Variants in ANK3 observed in about 807,000 individuals in gnomAD.
ANK3 encodes the protein ankyrin-3.
In ANK3, 57 loss-of-function variants were observed where a neutral mutation model predicts 370.9. That is an observed-to-expected ratio of 0.15 (90% confidence interval 0.12 to 0.19). The LOEUF is 0.19. ANK3 is among the 10% of genes least tolerant of loss of function. The pLI, the probability that ANK3 is intolerant of heterozygous loss-of-function variation, is 1.00. For missense variants in ANK3, 4,439 were observed against 5,302.1 expected (o/e 0.84, Z 5.06); for synonymous variants, 1,929 against 1,946.3 (o/e 0.99, Z 0.23).
At chr10:60,055,311 T>C (rs1287973452) in intron 42 of ANK3, among the ~76,000 whole-genome samples, 1 of 151,850 alleles carries the variant, frequency 6.6e-6, no homozygotes, top group East Asian at 1.9e-4. Context: ...GGAGTGGGAG[T>C]TAGGAAACCT....
At chr10:60,660,700 C>T (rs971969599) in intron 1 of ANK3, among the ~76,000 whole-genome samples, 1 of 151,870 alleles carries the variant, frequency 6.6e-6, no homozygotes, top group Admixed American at 6.6e-5. Context: ...TGGAAGGATT[C>T]CTGGAAGAGC....
At chr10:60,499,793 C>T (rs993398504) in intron 2 of ANK3, among the ~76,000 whole-genome samples, 10 of 152,070 alleles carry the variant, frequency 6.6e-5, no homozygotes, top group South Asian at 4.1e-4. Context: ...AAATTTGAAA[C>T]GCACACATAA....
chr10:60,217,518 C>G (rs2096959547), intron 8 of ANK3, among the ~76,000 whole-genome samples: 1 of 152,110 alleles, frequency 6.6e-6, no homozygotes, highest in Non-Finnish European at 1.5e-5. Context: ...ATAATGTTTA[C>G]CCAGGAGTCA....
chr10:60,110,899 TGA>T (rs2092663021), intron 26 of ANK3, among the ~76,000 whole-genome samples: 2 of 152,178 alleles, frequency 1.3e-5, no homozygotes, highest in Admixed American at 6.5e-5. Context: ...ATGTTTCCAC[TGA>T]GAGGGGAATG....
At chr10:60,488,804 G>T (rs56698592) in intron 2 of ANK3, among the ~76,000 whole-genome samples, 4,144 of 152,250 alleles carry the variant, frequency 0.027, 201 homozygotes, top group African/African-American at 0.095. Context: ...GTTTAGAAAA[G>T]ATGAGTCTTG....
At chr10:60,319,974 T>A (rs956070881) in intron 1 of ANK3, among the ~76,000 whole-genome samples, 5 of 152,154 alleles carry the variant, frequency 3.3e-5, no homozygotes, top group Non-Finnish European at 5.9e-5. Flanking sequence ...GACCCCAGTT[T>A]CCCTCAGCCT....
At chr10:60,459,916 A>C (rs2064841014) in intron 2 of ANK3, among the ~76,000 whole-genome samples, 1 of 152,114 alleles carries the variant, frequency 6.6e-6, no homozygotes, top group South Asian at 2.1e-4. Flanking sequence ...TGTGTCTCTG[A>C]AATATACCAC....
intron 14 of ANK3, 89 bp from the exon 15 acceptor site, chr10:60,196,714 A>T (rs1024504219): frequency 3.7e-6 from 3 of 800,364 alleles, no homozygotes; most frequent in Non-Finnish European, 6.1e-6. Flanking sequence ...CAAACAAACA[A>T]AAAGATATGA....
chr10:60,052,432 C>A (rs1173309385), intron 42 of ANK3, among the ~76,000 whole-genome samples: 1 of 152,132 alleles, frequency 6.6e-6, no homozygotes, highest in Non-Finnish European at 1.5e-5. Context: ...TAACACATAA[C>A]TGGTACTGAG....
intron 1 of ANK3, among the ~76,000 whole-genome samples, chr10:60,337,187 T>C (rs1054947122): frequency 2.0e-5 from 3 of 152,142 alleles, no homozygotes; most frequent in African/African-American, 7.2e-5. Flanking sequence ...AAGATAACAA[T>C]GAACTTTAAA....
intron 2 of ANK3, among the ~76,000 whole-genome samples, chr10:60,470,031 G>C (rs10994366): frequency 0.34 from 51,143 of 151,734 alleles, 8,814 homozygotes; most frequent in East Asian, 0.51. Context: ...AAAACAGGGA[G>C]CAGAATCGGA....
intron 2 of ANK3, among the ~76,000 whole-genome samples, chr10:60,514,276 C>T (rs992038743): frequency 2.0e-5 from 3 of 151,966 alleles, no homozygotes; most frequent in African/African-American, 4.8e-5. Flanking sequence ...GTCAGTGCCC[C>T]GGCCCCCTCT....
rs149056581 is a variant in ANK3, at chr10:60,199,494, C to T, written c.1491+635G>A. On this transcript the variant is annotated intron_variant, in intron 13 of 43. Transcript: ENST00000280772. Reference sequence around the variant, plus strand: ...TCACATACTGCTACTACTGCCACCCCTTACTTGAAACTAGAGACTGCAGAC... The same window carrying T: ...TCACATACTGCTACTACTGCCACCCTTTACTTGAAACTAGAGACTGCAGAC... Among the ~76,000 whole-genome samples, 355 of 152,240 alleles carry T rather than the reference C, an allele frequency of 2.3e-3. 1 individual carries two copies. The highest frequency in any genetic ancestry group is 8.3e-3 in the African/African-American group (343 of 41,546).
rs61497871 is a variant in ANK3 at position 60,089,459 on chromosome 10, T to TTGTGTGTG, written c.3329-1109_3329-1102dup. On this transcript the variant is annotated intron_variant, in intron 28 of 43. Transcript: ENST00000280772. Reference sequence around the variant, plus strand: ...CCTCTCTCACTCCAGTCCATCCAGGTTGTGTGTGTGTGTGTGTGTGTGTGT... The same window carrying TTGTGTGTG: ...CCTCTCTCACTCCAGTCCATCCAGGTTGTGTGTGTGTGTGTGTGTGTGTGTGTGTGTGT... 2.2e-3 allele frequency among the ~76,000 whole-genome samples: 309 copies of TTGTGTGTG among 141,622 alleles called. 1 individual carries two copies. The highest frequency in any genetic ancestry group is 4.9e-3 in the East Asian group (23 of 4,712). 92.9% of individuals were successfully genotyped at this position (141,622 alleles called of 152,430 possible). A position where few individuals can be genotyped will look rare whatever the true frequency, so the allele number is the denominator to read the frequency against.
chr10:60,036,092 T>A (rs2074893724), intron 43 of ANK3, among the ~76,000 whole-genome samples: 1 of 152,116 alleles, frequency 6.6e-6, no homozygotes, highest in Non-Finnish European at 1.5e-5. Flanking sequence ...TCACTGTTCA[T>A]TGCTTAGTAA....
intron 2 of ANK3, among the ~76,000 whole-genome samples, chr10:60,492,803 G>A (rs1163162399): frequency 3.4e-5 from 5 of 147,630 alleles, no homozygotes; most frequent in East Asian, 2.1e-4. Context: ...TGAGCCGGGC[G>A]TGGTGGCTCA....
chr10:60,473,956 C>A (rs2074986109), intron 2 of ANK3, among the ~76,000 whole-genome samples: 1 of 124,312 alleles, frequency 8.0e-6, no homozygotes, highest in South Asian at 3.1e-4. Context: ...AAAATGAGAC[C>A]CTGTTTCTAC....
At chr10:60,580,633 G>C (rs2077738003) in intron 2 of ANK3, among the ~76,000 whole-genome samples, 1 of 152,102 alleles carries the variant, frequency 6.6e-6, no homozygotes, top group Non-Finnish European at 1.5e-5. Context: ...ATTAACCTCA[G>C]TATACAAGTA....
At chr10:60,254,186 T>C (rs1159803010) in intron 7 of ANK3, among the ~76,000 whole-genome samples, 1 of 152,154 alleles carries the variant, frequency 6.6e-6, no homozygotes, top group African/African-American at 2.4e-5. Flanking sequence ...TATTATACTA[T>C]ATTTTAAAAT....
Sources: allele counts gnomAD v4.1 joint callset (sites outside exome capture counted in the v4.1 genomes callset), GRCh38; gene constraint gnomAD v4.1.1; transcripts MANE v1.5; gene names NCBI Gene and HGNC (gene_info 2026-07-23, HGNC 2026-07-21).